Variants in PRKN observed in about 807,000 individuals in gnomAD.
PRKN encodes the protein E3 ubiquitin-protein ligase parkin.
A neutral mutation model predicts 59.5 loss-of-function variants in PRKN; 56 were observed. The observed-to-expected ratio is 0.94, with a 90% CI of 0.76 to 1.18. The LOEUF (loss-of-function observed/expected upper bound fraction) is 1.18. PRKN is among the 50% of genes most tolerant of loss of function. The probability of loss-of-function intolerance (pLI) is 0.00; values close to 1 mark genes in which losing one functional copy is unlikely to be tolerated. For synonymous variants in PRKN, 250 were observed against 222.1 expected (o/e 1.13, Z -1.12); for missense variants, 657 against 596.4 (o/e 1.10, Z -1.06).
chr6:161,766,445 C>T (rs903909012), intron 7 of PRKN, among the ~76,000 whole-genome samples: 2 of 151,908 alleles, frequency 1.3e-5, no homozygotes, highest in Non-Finnish European at 2.9e-5. Flanking sequence ...GTAGCTGGGA[C>T]TACAGGTGCA....
At chr6:162,172,634 G>A (rs554331364) in intron 4 of PRKN, among the ~76,000 whole-genome samples, 33 of 152,294 alleles carry the variant, frequency 2.2e-4, no homozygotes, top group African/African-American at 7.7e-4. Context: ...TTAATACAGA[G>A]ACCAATGCCT....
chr6:162,147,381 T>C (rs1165772144), intron 4 of PRKN, among the ~76,000 whole-genome samples: 1 of 140,398 alleles, frequency 7.1e-6, no homozygotes, highest in African/African-American at 2.6e-5. Flanking sequence ...TACAGGATCA[T>C]ACCACGTCTA....
At chr6:162,326,834 T>C (rs1783307650) in intron 2 of PRKN, among the ~76,000 whole-genome samples, 1 of 152,170 alleles carries the variant, frequency 6.6e-6, no homozygotes, top group Admixed American at 6.5e-5. Flanking sequence ...TTGCTTGGGG[T>C]TTATGAAAAC....
At chr6:162,396,609 C>T (rs1280254596) in intron 2 of PRKN, among the ~76,000 whole-genome samples, 2 of 152,148 alleles carry the variant, frequency 1.3e-5, no homozygotes, top group African/African-American at 4.8e-5. Flanking sequence ...CCACTCTGGA[C>T]CCGTCGCTTG....
intron 4 of PRKN, among the ~76,000 whole-genome samples, chr6:162,175,971 T>G (rs1292529872): frequency 2.0e-5 from 3 of 152,218 alleles, no homozygotes; most frequent in African/African-American, 7.2e-5. Context: ...ATCTGCTCAA[T>G]GTTTTAATTT....
chr6:162,370,319 T>G (rs1028536050), intron 2 of PRKN, among the ~76,000 whole-genome samples: 1 of 152,110 alleles, frequency 6.6e-6, no homozygotes, highest in Non-Finnish European at 1.5e-5. Flanking sequence ...TCAGAGATTT[T>G]TTTTTAATAT....
chr6:161,683,981 T>C (rs933082430), intron 7 of PRKN, among the ~76,000 whole-genome samples: 2 of 152,070 alleles, frequency 1.3e-5, no homozygotes, highest in African/African-American at 2.4e-5. Context: ...AAACAAAGGG[T>C]AAAAGGGAGA....
At chr6:161,651,385 C>T (rs901358855) in intron 7 of PRKN, among the ~76,000 whole-genome samples, 6 of 152,210 alleles carry the variant, frequency 3.9e-5, no homozygotes, top group African/African-American at 1.4e-4. Flanking sequence ...GTGCTGTCAA[C>T]CTGTATGTTC....
intron 7 of PRKN, among the ~76,000 whole-genome samples, chr6:161,718,885 T>C (rs532162508): frequency 3.9e-5 from 6 of 152,320 alleles, no homozygotes; most frequent in African/African-American, 1.4e-4. Flanking sequence ...CTGAGTCTCA[T>C]GATTAGAGGG....
chr6:162,727,710 ATGCGCGCAGCGGCGCCAGCCGC>A lies in PRKN; in HGVS notation c.-64_-43del. 1 of 1,556,432 alleles carries A rather than the reference ATGCGCGCAGCGGCGCCAGCCGC, an allele frequency of 6.4e-7. No individual in the cohort carries two copies. ...GCGGCTGCGGGCCAGGAACAGGCCC[ATGCGCGCAGCGGCGCCAGCCGC>A]GCCTCCCACCAGCGGCTCTCCTGGG... is the stretch of plus-strand genomic sequence containing the variant. On this transcript the variant is annotated 5_prime_UTR_variant, in exon 1 of 12. An upstream start codon of the reference 5' UTR is lost. Coordinates refer to ENST00000366898, the MANE Select transcript of PRKN (RefSeq NM_004562.3).
In PRKN at chr6:161,817,597, G is replaced by T. The variant is rs115730155; in HGVS notation, c.735-31689C>A. On this transcript the variant is annotated intron_variant, in intron 6 of 11. Transcript: ENST00000366898. ...AAATGAAATATTGTAAACCTATATTGCTCAGTCCTCCACTTTATTTTTAAG... is the reference window on the plus strand; with the variant it reads ...AAATGAAATATTGTAAACCTATATTTCTCAGTCCTCCACTTTATTTTTAAG... Among the ~76,000 whole-genome samples, 460 of 152,196 alleles carry T rather than the reference G, an allele frequency of 3.0e-3. 2 individuals carry two copies. Among genetic ancestry groups the T allele is most frequent in the African/African-American group, 0.01 (436 of 41,530 alleles).
intron 1 of PRKN, among the ~76,000 whole-genome samples, chr6:162,621,477 C>T (rs1178700590): frequency 6.6e-6 from 1 of 152,126 alleles, no homozygotes; most frequent in African/African-American, 2.4e-5. Flanking sequence ...CTTCCACTGA[C>T]CAGAGAAACA....
At position 161,875,325 on chromosome 6, in the gene PRKN, C is replaced by T. The variant is rs902177952; in HGVS notation, c.735-89417G>A. On this transcript the variant is annotated intron_variant, in intron 6 of 11. Coordinates refer to ENST00000366898, the MANE Select transcript of PRKN (RefSeq NM_004562.3). ...TTCTCATGCCTCAGCCTCCCAGTAG[C>T]TGGGATTACATGTGCGAGCCATCAC... is the stretch of plus-strand genomic sequence containing the variant. Among the ~76,000 whole-genome samples the T allele has an allele frequency of 6.0e-5, 9 of 151,128 alleles. No individual in the cohort carries two copies. In the South Asian group the frequency reaches 1.9e-3, roughly 32 times the overall value.
chr6:162,690,056 T>C (rs1230789408), intron 1 of PRKN, among the ~76,000 whole-genome samples: 1 of 152,248 alleles, frequency 6.6e-6, no homozygotes, highest in Non-Finnish European at 1.5e-5. Context: ...CATTGATTTA[T>C]TTTCTTGAAG....
intron 4 of PRKN, among the ~76,000 whole-genome samples, chr6:162,181,112 T>A (rs1365938949): frequency 6.6e-6 from 1 of 152,172 alleles, no homozygotes; most frequent in African/African-American, 2.4e-5. Flanking sequence ...AGTGAAGATA[T>A]CTGTGGAGGG....
At chr6:161,891,561 T>C (rs1795344868) in intron 6 of PRKN, among the ~76,000 whole-genome samples, 1 of 152,162 alleles carries the variant, frequency 6.6e-6, no homozygotes. Flanking sequence ...TACAGCAAGT[T>C]TGTTTTTAGA....
At chr6:162,268,096 T>G (rs1780215183) in intron 2 of PRKN, among the ~76,000 whole-genome samples, 2 of 152,162 alleles carry the variant, frequency 1.3e-5, no homozygotes, top group Admixed American at 6.5e-5. Flanking sequence ...TAGAATATAC[T>G]TAGCCGTATA....
At chr6:162,437,109 A>G (rs1789811377) in intron 2 of PRKN, among the ~76,000 whole-genome samples, 1 of 142,204 alleles carries the variant, frequency 7.0e-6, no homozygotes, top group Non-Finnish European at 1.5e-5. Flanking sequence ...ATAAATAAAT[A>G]AATAAAAAAA....
chr6:161,678,567 G>GA lies in PRKN; in HGVS notation c.871+107204dup, dbSNP rs552485301. ...AAATTCCACTCTTATTTTGGTGCCT[G>GA]ATTTTTTTTTTTTTTTTTTTTTGAG... On this transcript the variant is annotated intron_variant, in intron 7 of 11. Transcript: ENST00000366898. Among the ~76,000 whole-genome samples the GA allele has an allele frequency of 5.7e-3, 631 of 111,572 alleles. 6 individuals carry two copies. Among genetic ancestry groups the GA allele is most frequent in the African/African-American group, 0.019 (531 of 28,138 alleles). The allele number at this position is 111,572 out of a possible 152,430, so 73.2% of individuals were successfully genotyped here. A position where few individuals can be genotyped will look rare whatever the true frequency, so the allele number is the denominator to read the frequency against.
Sources: gnomAD v4.1 joint callset for allele counts (sites outside exome capture counted in the v4.1 genomes callset) on GRCh38, gnomAD v4.1.1 for gene constraint, MANE v1.5 for transcripts, NCBI Gene and HGNC (gene_info 2026-07-23, HGNC 2026-07-21) for gene names.